ALAS1: variants seen among roughly 807,000 people sequenced by gnomAD.
The protein encoded by ALAS1 is 5'-aminolevulinate synthase 1, also known as 5-aminolevulinate synthase, non-specific, mitochondrial.
Under a neutral mutation model 59.6 loss-of-function variants are expected in ALAS1, and 29 were observed. That is an observed-to-expected ratio of 0.49 (90% confidence interval 0.36 to 0.66). The LOEUF (loss-of-function observed/expected upper bound fraction) is 0.66, where lower values mean the gene tolerates loss of function less well. Among genes scored for constraint, ALAS1 ranks in the 30% least tolerant of loss-of-function variants. ALAS1 has a pLI of 0.00. For missense variants in ALAS1, 690 were observed against 807.5 expected (o/e 0.85, Z 1.76); for synonymous variants, 299 against 296.6 (o/e 1.01, Z -0.08).
intron 3 of ALAS1, among the ~76,000 whole-genome samples, chr3:52,201,576 A>G (rs532870382): frequency 6.6e-6 from 1 of 151,828 alleles, no homozygotes; most frequent in Admixed American, 6.6e-5. Context: ...ACATAACAAG[A>G]CTCCGTCTCT....
Position 52,211,550 on chromosome 3 carries a change from G to A in ALAS1, c.1598G>A (p.Arg533Gln), listed in dbSNP as rs200922726. 79 of 1,613,644 alleles carry A rather than the reference G, an allele frequency of 4.9e-5. No individual in the cohort carries two copies. In the Admixed American group the frequency reaches 1.1e-3, roughly 22 times the overall value. ...TGCCCCAGCCACATCATCCCTGTGCGGGTAATGGCCTGTCTCTGATTGGAC... is the reference window on the plus strand; with the variant it reads ...TGCCCCAGCCACATCATCCCTGTGCAGGTAATGGCCTGTCTCTGATTGGAC... The part of the protein sequence containing the change: ...VHCPSHIIPV[R>Q]VADAAKNTEV... The change falls in exon 10 of 12, where the codon CGG (arginine) becomes CAG (glutamine). Residue 533 changes from arginine to glutamine, a missense_variant and splice_region_variant. Physicochemically the swap from Arg to Gln is conservative, Grantham distance 43. Transcript: ENST00000484952.
At chr3:52,203,778 G>A in intron 4 of ALAS1, 85 bp from the exon 5 acceptor site, 1 of 1,454,920 alleles carries the variant, frequency 6.9e-7, no homozygotes, top group East Asian at 2.4e-5. Context: ...TAGGCCATAA[G>A]CCATTTTTGA....
chr3:52,201,502 AG>A (rs1299765855), intron 3 of ALAS1, among the ~76,000 whole-genome samples: 4 of 152,232 alleles, frequency 2.6e-5, no homozygotes, highest in Non-Finnish European at 5.9e-5. Context: ...CTGTAATTCC[AG>A]CACTTTGGGA....
rs963162082 is a variant in ALAS1, at chr3:52,211,549, C to T, written c.1597C>T (p.Arg533Trp). 3.7e-5 allele frequency: 60 copies of T among 1,613,664 alleles called. No individual in the cohort carries two copies. The highest frequency in any genetic ancestry group is 4.6e-5 in the Non-Finnish European group (54 of 1,179,700). The stretch of plus-strand genomic sequence containing the variant: ...CTGCCCCAGCCACATCATCCCTGTG[C>T]GGGTAATGGCCTGTCTCTGATTGGA... ...VHCPSHIIPV[R>W]VADAAKNTEV... The change falls in exon 10 of 12, where the codon CGG (arginine) becomes TGG (tryptophan). Residue 533 changes from arginine to tryptophan, a missense_variant and splice_region_variant. Arg to Trp is a moderately radical substitution (Grantham distance 101, BLOSUM62 -3). Coordinates refer to ENST00000484952, the MANE Select transcript of ALAS1 (RefSeq NM_000688.6).
Position 52,206,700 on chromosome 3 carries a change from G to T in ALAS1, c.1114G>T (p.Asp372Tyr). 1.9e-6 allele frequency: 3 copies of T among 1,614,192 alleles called. No individual in the cohort carries two copies. The highest frequency in any genetic ancestry group is 2.5e-6 in the Non-Finnish European group (3 of 1,180,032). Reference sequence around the variant, plus strand: ...CCTCAGAGAACTGCTGCAAAGATCTGACCCCTCAGTCCCCAAGATTGTGGC... The same window carrying T: ...CCTCAGAGAACTGCTGCAAAGATCTTACCCCTCAGTCCCCAAGATTGTGGC... Reference protein sequence around the residue: ...SHLRELLQRSDPSVPKIVAFE... With the variant: ...SHLRELLQRSYPSVPKIVAFE... Residue 372 changes from aspartate to tyrosine, a missense_variant, in exon 8 of 12, where the codon GAC becomes TAC. Coordinates refer to ENST00000484952, the MANE Select transcript of ALAS1 (RefSeq NM_000688.6).
At chr3:52,204,611 A>T (rs377484674) in intron 5 of ALAS1, 82 bp from the exon 6 acceptor site, 67 of 1,180,962 alleles carry the variant, frequency 5.7e-5, no homozygotes, top group Non-Finnish European at 6.1e-6. Context: ...CTCAGTTGCC[A>T]AGCTGAGACT....
chr3:52,205,269 C>A (rs1458460395), intron 6 of ALAS1, among the ~76,000 whole-genome samples: 8 of 152,074 alleles, frequency 5.3e-5, no homozygotes, highest in Non-Finnish European at 1.5e-5. Context: ...TCTAGCAGCG[C>A]TAGAGAAAAA....
Position 52,208,167 on chromosome 3 carries a change from G to A in ALAS1, c.1250G>A (p.Gly417Glu), listed in dbSNP as rs1480160096. ...ITFVDEVHAV[G>E]LYGARGGGIG... ...TTCGTGGATGAGGTCCACGCAGTGG[G>A]GCTTTATGGGGCTCGAGGCGGAGGG... The change falls in exon 9 of 12, where the codon GGG (glycine) becomes GAG (glutamate). Residue 417 changes from glycine (G) to glutamate (E), a missense_variant. By Grantham distance (98) the Gly-to-Glu change is moderately conservative. Transcript: ENST00000484952. 1.2e-6 allele frequency: 2 copies of A among 1,613,818 alleles called. No homozygotes were observed. Among genetic ancestry groups the A allele is most frequent in the East Asian group, 2.2e-5 (1 of 44,878 alleles).
rs370365062 is a variant in ALAS1 at position 52,211,335 on chromosome 3, T to G, written c.1383T>G (p.Ile461Met). 14 of 1,614,088 alleles carry G rather than the reference T, an allele frequency of 8.7e-6. No homozygotes were observed. Among genetic ancestry groups the G allele is most frequent in the African/African-American group, 5.3e-5 (4 of 74,922 alleles). Residue 461 changes from isoleucine to methionine, a missense_variant, in exon 10 of 12, where the codon ATT (isoleucine) becomes ATG (methionine). Ile to Met is a conservative substitution (Grantham distance 10). Coordinates refer to ENST00000484952, the MANE Select transcript of ALAS1 (RefSeq NM_000688.6). ...GGYIASTSSLIDTVRSYAAGF... is the reference protein window; with the variant it reads ...GGYIASTSSLMDTVRSYAAGF... ...ACATCGCCAGCACGAGTTCTCTGAT[T>G]GACACCGTACGGTCCTATGCTGCTG...
intron 8 of ALAS1, among the ~76,000 whole-genome samples, chr3:52,207,314 A>G (rs1229735360): frequency 6.6e-6 from 1 of 150,780 alleles, no homozygotes; most frequent in Non-Finnish European, 1.5e-5. Context: ...AACTTTTTGT[A>G]TTTTTAGTAG....
At chr3:52,204,566 A>C (rs1699254951) in intron 5 of ALAS1, 127 bp from the exon 6 acceptor site, 1 of 715,632 alleles carries the variant, frequency 1.4e-6, no homozygotes, top group African/African-American at 1.8e-5. Context: ...TTTACTTACA[A>C]GATGAGGACA....
intron 3 of ALAS1, among the ~76,000 whole-genome samples, chr3:52,201,660 AG>A (rs1699188621): frequency 6.6e-6 from 1 of 152,242 alleles, no homozygotes; most frequent in Non-Finnish European, 1.5e-5. Context: ...TGGAGAGCTA[AG>A]GTGAGAGGAT....
At chr3:52,206,466 T>C (rs1416207619) in intron 7 of ALAS1, 106 bp from the exon 8 acceptor site, 2 of 1,289,450 alleles carry the variant, frequency 1.6e-6, no homozygotes, top group Non-Finnish European at 1.1e-6. Context: ...TTTTTCCTAC[T>C]AGGCATTTTC....
chr3:52,201,944 G>A (rs1027495633), intron 3 of ALAS1, among the ~76,000 whole-genome samples: 4 of 152,168 alleles, frequency 2.6e-5, no homozygotes, highest in Non-Finnish European at 5.9e-5. Flanking sequence ...GATTTATGAC[G>A]AGAAATACTG....
At chr3:52,207,470 A>C (rs573632345) in intron 8 of ALAS1, among the ~76,000 whole-genome samples, 1 of 151,260 alleles carries the variant, frequency 6.6e-6, no homozygotes, top group Non-Finnish European at 1.5e-5. Context: ...CCTTTCTGCC[A>C]GGATTTTTTT....
chr3:52,205,794 G>A (rs769576349), intron 6 of ALAS1, 45 bp from the exon 7 acceptor site: 1 of 1,556,160 alleles, frequency 6.4e-7, no homozygotes, highest in South Asian at 1.2e-5. Context: ...ATGGTGTTGA[G>A]AACCATGAGC....
At chr3:52,199,750 T>C (rs2107261035) in intron 3 of ALAS1, among the ~76,000 whole-genome samples, 1 of 152,374 alleles carries the variant, frequency 6.6e-6, no homozygotes, top group South Asian at 2.1e-4. Flanking sequence ...ATTGGAATGT[T>C]CTAATTTCCC....
At chr3:52,198,640 C>A (rs971137663) in intron 1 of ALAS1, 32 bp from the exon 2 acceptor site, 1 of 678,484 alleles carries the variant, frequency 1.5e-6, no homozygotes, top group Non-Finnish European at 2.6e-6. Context: ...GCCCTCATAC[C>A]CCTACCCTCA....
chr3:52,209,771 C>T (rs1044297476), intron 9 of ALAS1, among the ~76,000 whole-genome samples: 3 of 152,172 alleles, frequency 2.0e-5, no homozygotes, highest in South Asian at 2.1e-4. Context: ...CCTCCACCTC[C>T]TGGGCTCAAG....
Sources: allele counts gnomAD v4.1 joint callset (sites outside exome capture counted in the v4.1 genomes callset), GRCh38; gene constraint gnomAD v4.1.1; transcripts MANE v1.5; gene names NCBI Gene and HGNC (gene_info 2026-07-23, HGNC 2026-07-21).